Variants in B4GALNT3 observed in about 807,000 individuals in gnomAD.
The protein encoded by B4GALNT3 is beta-1,4-N-acetylgalactosaminyltransferase 3.
Under a neutral mutation model 120.2 loss-of-function variants are expected in B4GALNT3, and 86 were observed. The observed-to-expected ratio is 0.72, with a 90% CI of 0.60 to 0.86. B4GALNT3 has a LOEUF of 0.86. Ranked by LOEUF, B4GALNT3 falls within the 40% of genes least tolerant of loss-of-function variation. The pLI, the probability that B4GALNT3 is intolerant of heterozygous loss-of-function variation, is 0.00. For synonymous variants in B4GALNT3, 518 were observed against 510.4 expected (o/e 1.01, Z -0.20); for missense variants, 1,167 against 1,298.9 (o/e 0.90, Z 1.56).
In B4GALNT3 at chr12:548,007, GC is replaced by G. The variant is rs746137676; in HGVS notation, c.708-14del. The G allele has an allele frequency of 6.8e-6, 11 of 1,612,514 alleles. No individual in the cohort carries two copies. The highest frequency in any genetic ancestry group is 5.9e-6 in the Non-Finnish European group (7 of 1,179,052). On this transcript the variant is annotated splice_polypyrimidine_tract_variant and intron_variant, in intron 7 of 19. Coordinates refer to ENST00000266383, the MANE Select transcript of B4GALNT3 (RefSeq NM_173593.4). This position sits in a 1 kb window ranked among gnomAD's most constrained non-coding sequence, Gnocchi z 4.9. ...CATGGAGATGGCGCTCTGCTTCCCT[GC>G]CCTCTCTCCCGCCAGCCTGTCAGCC... is the stretch of plus-strand genomic sequence containing the variant.
rs1224109156 is a variant in B4GALNT3, at chr12:513,005, ACCTTCCG to A, written c.170-22154_170-22148del. 1.4e-3 allele frequency among the ~76,000 whole-genome samples: 132 copies of A among 97,182 alleles called. 1 individual carries two copies. The highest frequency in any genetic ancestry group is 5.5e-3 in the African/African-American group (130 of 23,822). 63.8% of individuals were successfully genotyped at this position (97,182 alleles called of 152,430 possible). On this transcript the variant is annotated intron_variant, in intron 1 of 19. Transcript: ENST00000266383. ...ACCTTCGATCTTCCTTCCACCTTCC[ACCTTCCG>A]CCTTCCACCTTCCACCTTCCACCTT...
At chr12:489,909 G>A (rs1482885980) in intron 1 of B4GALNT3, among the ~76,000 whole-genome samples, 1 of 152,196 alleles carries the variant, frequency 6.6e-6, no homozygotes, top group Non-Finnish European at 1.5e-5. Flanking sequence ...GTTATACAAT[G>A]TCTGATCTCA....
chr12:549,651 A>T (rs1947052805), intron 9 of B4GALNT3, 118 bp from the exon 10 acceptor site: 2 of 1,309,504 alleles, frequency 1.5e-6, no homozygotes, highest in Non-Finnish European at 2.1e-6. Flanking sequence ...CGCACATCCT[A>T]CACCGTCGCC....
At chr12:469,144 C>T (rs1213765009) in intron 1 of B4GALNT3, among the ~76,000 whole-genome samples, 1 of 152,070 alleles carries the variant, frequency 6.6e-6, no homozygotes, top group African/African-American at 2.4e-5. Flanking sequence ...ATTGATAATT[C>T]CTGGAAAAAC....
In B4GALNT3 at chr12:550,098, G is replaced by A. The variant is rs4980835; in HGVS notation, c.997+186G>A. ...ATGTAAATAAGTATAAAATATTTAC[G>A]TGTAATTTTACAATTCTGCATATCA... On this transcript the variant is annotated intron_variant, in intron 10 of 19. Transcript: ENST00000266383. The surrounding 1 kb of genome is among the most constrained non-coding windows in gnomAD (Gnocchi z 4.1). Among the ~76,000 whole-genome samples, 20,420 of 152,208 alleles carry A rather than the reference G, an allele frequency of 0.13. 1,684 individuals carry two copies. Among genetic ancestry groups the A allele is most frequent in the Admixed American group, 0.25 (3,772 of 15,276 alleles).
chr12:541,979 TG>T (rs926055519), intron 3 of B4GALNT3, among the ~76,000 whole-genome samples: 1 of 151,932 alleles, frequency 6.6e-6, no homozygotes, highest in Non-Finnish European at 1.5e-5. Flanking sequence ...AAGAAGCCTT[TG>T]GAGGAGACAG....
Position 548,040 on chromosome 12 carries a change from A to G in B4GALNT3, c.724A>G (p.Arg242Gly), listed in dbSNP as rs199845960. ...TCCCGCCAGCCTGTCAGCCTCCCAC[A>G]GGTACTACTTCGAGGTGCTGCACAA... ...SKPVSLSASH[R>G]YYFEVLHKQN... Residue 242 changes from arginine (R) to glycine (G), a missense_variant, in exon 8 of 20, where the codon AGG (arginine) becomes GGG (glycine). Around this residue, in one of 3 missense-constraint regions of B4GALNT3, gnomAD observed 983 missense variants for 1,102.5 expected, o/e 0.89. Coordinates refer to ENST00000266383, the MANE Select transcript of B4GALNT3 (RefSeq NM_173593.4). The surrounding 1 kb of genome is among the most constrained non-coding windows in gnomAD (Gnocchi z 4.9). 4 of 1,613,786 alleles carry G rather than the reference A, an allele frequency of 2.5e-6. No homozygotes were observed. The highest frequency in any genetic ancestry group is 3.4e-6 in the Non-Finnish European group (4 of 1,180,010).
intron 14 of B4GALNT3, among the ~76,000 whole-genome samples, chr12:554,646 C>T (rs1229394510): frequency 6.6e-6 from 1 of 151,286 alleles, no homozygotes. Context: ...AAAAATTAGC[C>T]AGGCATAGTG....
intron 1 of B4GALNT3, among the ~76,000 whole-genome samples, chr12:511,920 C>CGCCTTCG (rs1946575324): frequency 2.2e-5 from 3 of 136,624 alleles, no homozygotes; most frequent in African/African-American, 8.4e-5. Flanking sequence ...GACCTTCTTC[C>CGCCTTCG]ACCTTCCACC....
rs1947181767 is a variant in B4GALNT3 at position 558,167 on chromosome 12, TGGTGAGCC to T, written c.2607+80_2607+87del. 1.5e-5 allele frequency: 22 copies of T among 1,480,548 alleles called. No homozygotes were observed. In the South Asian group the frequency reaches 2.4e-4, roughly 16 times the overall value. The allele number at this position is 1,480,548 out of a possible 1,614,324, so 91.7% of individuals were successfully genotyped here. A position where few individuals can be genotyped will look rare whatever the true frequency, so the allele number is the denominator to read the frequency against. Reference sequence around the variant, plus strand: ...AGAGAGACATTTGGGGTAAATGAGGTGGTGAGCCCCTCAGGGAGGACGGGAATGAGGAC... The same window carrying T: ...AGAGAGACATTTGGGGTAAATGAGGTCCTCAGGGAGGACGGGAATGAGGAC... On this transcript the variant is annotated intron_variant, in intron 17 of 19. Coordinates refer to ENST00000266383, the MANE Select transcript of B4GALNT3 (RefSeq NM_173593.4).
chr12:546,716 G>A lies in B4GALNT3; in HGVS notation c.707+3G>A, dbSNP rs1461514845. On this transcript the variant is annotated splice_donor_region_variant and intron_variant, in intron 7 of 19. Transcript: ENST00000266383. ...AGCCAAATTTCCAAGCCGGTGAGGT[G>A]AGTGAGGGTCAGGACAGGCGCTGTG... 2 of 1,551,370 alleles carry A rather than the reference G, an allele frequency of 1.3e-6. No homozygotes were observed. Among genetic ancestry groups the A allele is most frequent in the South Asian group, 2.4e-5 (2 of 84,046 alleles).
In B4GALNT3 at chr12:556,631, G is replaced by A. The variant is rs751375702; in HGVS notation, c.2145G>A (p.Leu715=). ...RGGRYLLELE[L]LEQGQRVVRL... ...GTCGCTACCTCCTGGAGCTTGAACT[G>A]TTGGAACAAGGCCAGCGCGTGGTGC... Residue 715 remains leucine (L), a synonymous_variant, in exon 15 of 20, where the codon CTG becomes CTA. Coordinates refer to ENST00000266383, the MANE Select transcript of B4GALNT3 (RefSeq NM_173593.4). 1.9e-6 allele frequency: 3 copies of A among 1,614,098 alleles called. No individual in the cohort carries two copies. The highest frequency in any genetic ancestry group is 2.2e-5 in the South Asian group (2 of 91,078).
intron 1 of B4GALNT3, among the ~76,000 whole-genome samples, chr12:496,402 C>G (rs2120522260): frequency 6.6e-6 from 1 of 152,242 alleles, no homozygotes; most frequent in East Asian, 1.9e-4. Context: ...GAGTTCAAGA[C>G]CAGCCTGGCC....
At chr12:477,429 C>T (rs1168613721) in intron 1 of B4GALNT3, among the ~76,000 whole-genome samples, 1 of 152,180 alleles carries the variant, frequency 6.6e-6, no homozygotes, top group South Asian at 2.1e-4. Context: ...CACTGACACC[C>T]TGCATTGACA....
intron 1 of B4GALNT3, among the ~76,000 whole-genome samples, chr12:471,893 C>T (rs1440891816): frequency 2.0e-5 from 3 of 152,162 alleles, no homozygotes; most frequent in Non-Finnish European, 4.4e-5. Context: ...TGGAGATTCT[C>T]TTACCTTGTG....
intron 3 of B4GALNT3, chr12:543,342 C>A: frequency 1.6e-6 from 1 of 607,514 alleles, no homozygotes; most frequent in Admixed American, 2.7e-5. Flanking sequence ...GGTGGTCACG[C>A]TCCCGGAGCT....
intron 1 of B4GALNT3, among the ~76,000 whole-genome samples, chr12:497,745 C>A (rs1039647290): frequency 6.6e-6 from 1 of 152,146 alleles, no homozygotes; most frequent in Admixed American, 6.5e-5. Context: ...GCTTGACCTC[C>A]CGCTCTTTGT....
intron 1 of B4GALNT3, among the ~76,000 whole-genome samples, chr12:501,237 C>T (rs897456999): frequency 6.6e-6 from 1 of 152,256 alleles, no homozygotes; most frequent in African/African-American, 2.4e-5. Context: ...CAGCTTATTT[C>T]CTTCTTCCAT....
intron 1 of B4GALNT3, among the ~76,000 whole-genome samples, chr12:464,135 G>A (rs985416340): frequency 2.6e-5 from 4 of 152,182 alleles, no homozygotes; most frequent in African/African-American, 9.7e-5. Flanking sequence ...GAGGGCCTGG[G>A]GCAGCCACTG....
Sources: allele counts gnomAD v4.1 joint callset (sites outside exome capture counted in the v4.1 genomes callset), GRCh38; gene constraint gnomAD v4.1.1; regional missense constraint gnomAD v4.1.1; non-coding constraint Gnocchi (gnomAD v3.1); transcripts MANE v1.5; gene names NCBI Gene and HGNC (gene_info 2026-07-23, HGNC 2026-07-21).